Variants in ARMC9 observed in about 807,000 individuals in gnomAD.
ARMC9 encodes the protein armadillo repeat containing 9.
In ARMC9, 94 loss-of-function variants were observed where a neutral mutation model predicts 107.0. The observed-to-expected ratio is 0.88, with a 90% confidence interval of 0.74 to 1.04. The LOEUF is 1.04. ARMC9 is among the 50% of genes least tolerant of loss of function. The pLI is 0.00. For missense variants in ARMC9, 942 were observed against 1,030.1 expected (o/e 0.91, Z 1.17); for synonymous variants, 380 against 396.9 (o/e 0.96, Z 0.51).
chr2:231,324,173 G>C (rs895136023), intron 19 of ARMC9, among the ~76,000 whole-genome samples: 9 of 136,630 alleles, frequency 6.6e-5, no homozygotes, highest in Non-Finnish European at 1.1e-4. Context: ...TGTTGCCCAG[G>C]CTGGAGTGCA....
At chr2:231,223,155 C>T (rs1485956339) in intron 6 of ARMC9, among the ~76,000 whole-genome samples, 1 of 152,194 alleles carries the variant, frequency 6.6e-6, no homozygotes, top group Non-Finnish European at 1.5e-5. Context: ...CACTTTTAAG[C>T]CCTTCAGGCC....
intron 14 of ARMC9, among the ~76,000 whole-genome samples, chr2:231,273,955 C>T (rs1167064073): frequency 2.0e-5 from 3 of 152,160 alleles, no homozygotes; most frequent in African/African-American, 4.8e-5. Context: ...TGTCGATTGA[C>T]TTGTACTGGA....
At chr2:231,222,532 A>G (rs1213874920) in intron 5 of ARMC9, among the ~76,000 whole-genome samples, 196 bp from the exon 6 acceptor site, 2 of 152,098 alleles carry the variant, frequency 1.3e-5, no homozygotes, top group African/African-American at 4.8e-5. Context: ...TTTTCTTCCT[A>G]CTGTGGGCAC....
intron 23 of ARMC9, among the ~76,000 whole-genome samples, chr2:231,365,634 A>G (rs1284195941): frequency 2.6e-5 from 4 of 152,136 alleles, no homozygotes; most frequent in African/African-American, 9.7e-5. Context: ...CCAGAACAGA[A>G]TACAGCAGAT....
intron 19 of ARMC9, among the ~76,000 whole-genome samples, chr2:231,298,769 C>T (rs1333286895): frequency 1.3e-5 from 2 of 152,140 alleles, no homozygotes; most frequent in African/African-American, 4.8e-5. Context: ...CCCATCTCTA[C>T]TAAAAATACA....
chr2:231,264,628 G>C (rs992052497), intron 12 of ARMC9, among the ~76,000 whole-genome samples: 1 of 152,126 alleles, frequency 6.6e-6, no homozygotes, highest in Non-Finnish European at 1.5e-5. Context: ...CTCCCAAGTA[G>C]CTGGGATTAC....
chr2:231,359,082 G>GT (rs555726953), intron 22 of ARMC9, among the ~76,000 whole-genome samples: 2,885 of 117,782 alleles, frequency 0.024, 56 homozygotes, highest in Non-Finnish European at 0.028. Flanking sequence ...GGGGTCTCCT[G>GT]TTTTTTTTTT....
At chr2:231,292,623 G>T (rs1316227939) in intron 18 of ARMC9, among the ~76,000 whole-genome samples, 1 of 152,106 alleles carries the variant, frequency 6.6e-6, no homozygotes, top group African/African-American at 2.4e-5. Flanking sequence ...GGCTGTTTCT[G>T]TGGACTCCTG....
chr2:231,323,081 C>A (rs7604719), intron 19 of ARMC9, among the ~76,000 whole-genome samples: 7 of 151,812 alleles, frequency 4.6e-5, no homozygotes, highest in Non-Finnish European at 8.8e-5. Context: ...CCCAGCACTT[C>A]AGGAGGCTAA....
intron 23 of ARMC9, among the ~76,000 whole-genome samples, chr2:231,367,368 G>A (rs1462854729): frequency 6.6e-6 from 1 of 152,092 alleles, no homozygotes; most frequent in East Asian, 1.9e-4. Context: ...CTTGCTGCCT[G>A]CCGGCTTTAA....
At chr2:231,280,508 C>CAT (rs749864253) in intron 16 of ARMC9, among the ~76,000 whole-genome samples, 16 of 151,862 alleles carry the variant, frequency 1.1e-4, no homozygotes, top group Admixed American at 3.3e-4. Context: ...TGAAAAATGA[C>CAT]ATATATATAT....
chr2:231,273,063 A>G lies in ARMC9; in HGVS notation c.1319A>G (p.Gln440Arg), dbSNP rs2039477041. 19 of 1,613,618 alleles carry G rather than the reference A, an allele frequency of 1.2e-5. No homozygotes were observed. Among genetic ancestry groups the G allele is most frequent in the Non-Finnish European group, 1.6e-5 (19 of 1,179,688 alleles). ...ITRENVLGAL[Q>R]KFSLRRPLQT... ...AGGGAGAATGTTCTTGGGGCCCTGC[A>G]GAAGTTCAGTCTCAGGTAACGACTG... is the stretch of plus-strand genomic sequence containing the variant. The change falls in exon 14 of 25, where the codon CAG (glutamine) becomes CGG (arginine). Residue 440 changes from glutamine (Q) to arginine (R), a missense_variant. Coordinates refer to ENST00000611582, the MANE Select transcript of ARMC9 (RefSeq NM_001352754.2).
intron 17 of ARMC9, among the ~76,000 whole-genome samples, chr2:231,285,222 G>T (rs1248583738): frequency 1.3e-5 from 2 of 151,930 alleles, no homozygotes; most frequent in Non-Finnish European, 2.9e-5. Context: ...AATTATAGCG[G>T]TCTTGGTCAA....
At chr2:231,354,263 TAAAAA>T (rs759691541) in intron 21 of ARMC9, among the ~76,000 whole-genome samples, 14 of 100,442 alleles carry the variant, frequency 1.4e-4, no homozygotes, top group African/African-American at 6.1e-4. Flanking sequence ...CATCTCCATT[TAAAAA>T]AAAAAAAAAA....
intron 19 of ARMC9, among the ~76,000 whole-genome samples, chr2:231,318,719 T>A (rs2042841210): frequency 6.6e-6 from 1 of 152,264 alleles, no homozygotes; most frequent in African/African-American, 2.4e-5. Flanking sequence ...ATTGGTCATT[T>A]TCCAGTGTCC....
intron 19 of ARMC9, among the ~76,000 whole-genome samples, chr2:231,298,023 T>A (rs1018815580): frequency 6.6e-6 from 1 of 152,188 alleles, no homozygotes; most frequent in African/African-American, 2.4e-5. Context: ...AGAACTCAAT[T>A]TCTGGAAATT....
intron 7 of ARMC9, among the ~76,000 whole-genome samples, chr2:231,232,749 C>G (rs1035639023): frequency 6.6e-6 from 1 of 151,376 alleles, no homozygotes; most frequent in Non-Finnish European, 1.5e-5. Flanking sequence ...CTGCGCCCGG[C>G]CTTTGCCAGG....
At chr2:231,206,475 C>G (rs889970775) in intron 2 of ARMC9, among the ~76,000 whole-genome samples, 186 bp downstream of exon 2, 12 of 152,170 alleles carry the variant, frequency 7.9e-5, no homozygotes, top group African/African-American at 2.9e-4. Flanking sequence ...CTTAAAGCCA[C>G]TTAAAAAGTC....
chr2:231,352,698 GATAGATA>G (rs2045148469), intron 21 of ARMC9, among the ~76,000 whole-genome samples: 2 of 150,216 alleles, frequency 1.3e-5, no homozygotes, highest in South Asian at 4.2e-4. Context: ...TAGATAGATA[GATAGATA>G]GATGATAGGT....
Sources: gnomAD v4.1 joint callset for allele counts (sites outside exome capture counted in the v4.1 genomes callset) on GRCh38, gnomAD v4.1.1 for gene constraint, MANE v1.5 for transcripts, NCBI Gene and HGNC (gene_info 2026-07-23, HGNC 2026-07-21) for gene names.